The following ANKRD17 variants were observed in gnomAD, a reference collection of about 807,000 sequenced individuals.
ANKRD17 encodes ankyrin repeat domain 17, also known as ankyrin repeat domain-containing protein 17.
Under a neutral mutation model 229.7 loss-of-function variants are expected in ANKRD17, and 19 were observed. The observed-to-expected ratio is 0.08, with a 90% CI of 0.06 to 0.12. The LOEUF (loss-of-function observed/expected upper bound fraction) is 0.12, where lower values mean the gene tolerates loss of function less well. Ranked by LOEUF, ANKRD17 falls within the 10% of genes least tolerant of loss-of-function variation. ANKRD17 has a pLI of 1.00. For synonymous variants in ANKRD17, 1,112 were observed against 1,146.1 expected (o/e 0.97, Z 0.60); for missense variants, 2,176 against 3,176.8 (o/e 0.68, Z 7.57).
chr4:73,092,290 C>T lies in ANKRD17; in HGVS notation c.5338G>A (p.Glu1780Lys), dbSNP rs752347723. 6.2e-7 allele frequency: 1 copy of T among 1,606,778 alleles called. No homozygotes were observed. The highest frequency in any genetic ancestry group is 8.5e-7 in the Non-Finnish European group (1 of 1,177,486). Residue 1780 changes from glutamate to lysine, a missense_variant, in exon 29 of 34, where the codon GAA (glutamate) becomes AAA (lysine). Coordinates refer to ENST00000358602, the MANE Select transcript of ANKRD17 (RefSeq NM_032217.5). The stretch of plus-strand genomic sequence containing the variant: ...AATTGAGTTGCTTGTCTTGTTGATT[C>T]AGTGCCACCCCTATAAATTGAGAAA... Reference protein sequence around the residue: ...DRIITIRGGTESTRQATQLIN... With the variant: ...DRIITIRGGTKSTRQATQLIN...
intron 1 of ANKRD17, among the ~76,000 whole-genome samples, chr4:73,196,512 A>T (rs1252076760): frequency 6.6e-6 from 1 of 152,220 alleles, no homozygotes. Context: ...ATATACACGT[A>T]TGTGTATGTT....
chr4:73,115,772 TA>T lies in ANKRD17; in HGVS notation c.4284+48del, dbSNP rs746248034. The T allele has an allele frequency of 1.9e-5, 27 of 1,399,028 alleles. No homozygotes were observed. In the East Asian group the frequency reaches 6.2e-4, roughly 32 times the overall value. 86.7% of individuals were successfully genotyped at this position (1,399,028 alleles called of 1,614,324 possible). A position where few individuals can be genotyped will look rare whatever the true frequency, so the allele number is the denominator to read the frequency against. On this transcript the variant is annotated intron_variant, in intron 23 of 33. Transcript: ENST00000358602. ...AACTAGGAATTCTTAGAATGGAAGA[TA>T]TATTAACCGAATAGAGTCCCTTGCT...
chr4:73,159,243 A>G (rs188135377), intron 3 of ANKRD17, among the ~76,000 whole-genome samples: 15 of 152,362 alleles, frequency 9.8e-5, no homozygotes, highest in Admixed American at 5.9e-4. Context: ...TGTTTAGAAC[A>G]AATCCTTCCC....
At chr4:73,095,292 T>C (rs948471250) in intron 27 of ANKRD17, among the ~76,000 whole-genome samples, 2 of 151,808 alleles carry the variant, frequency 1.3e-5, no homozygotes, top group Non-Finnish European at 2.9e-5. Flanking sequence ...AAGAAAATCC[T>C]ACTAGAATTT....
chr4:73,201,134 AAAG>A (rs1738624551), intron 1 of ANKRD17, among the ~76,000 whole-genome samples: 1 of 152,164 alleles, frequency 6.6e-6, no homozygotes, highest in African/African-American at 2.4e-5. Context: ...AAAAAGTCAC[AAAG>A]AATAAGAAAA....
At chr4:73,256,215 T>C (rs922463326) in intron 1 of ANKRD17, among the ~76,000 whole-genome samples, 1 of 152,148 alleles carries the variant, frequency 6.6e-6, no homozygotes, top group Admixed American at 6.5e-5. Context: ...AAAATAAACA[T>C]ACCTACAAAC....
intron 24 of ANKRD17, among the ~76,000 whole-genome samples, chr4:73,109,248 T>C (rs910156433): frequency 6.7e-6 from 1 of 150,362 alleles, no homozygotes; most frequent in African/African-American, 2.5e-5. Context: ...CACAGTGAGC[T>C]GAGATCGCAC....
chr4:73,151,837 T>C (rs1731036003), intron 6 of ANKRD17, among the ~76,000 whole-genome samples: 1 of 152,156 alleles, frequency 6.6e-6, no homozygotes, highest in Non-Finnish European at 1.5e-5. Context: ...TGTTATATAG[T>C]TATGTTATAT....
At chr4:73,149,846 AGAGT>A (rs1730769452) in intron 7 of ANKRD17, among the ~76,000 whole-genome samples, 1 of 152,204 alleles carries the variant, frequency 6.6e-6, no homozygotes, top group African/African-American at 2.4e-5. Flanking sequence ...GCCTGGGAAC[AGAGT>A]GAGACCCTGT....
chr4:73,097,389 C>T (rs1032133880), intron 26 of ANKRD17, 117 bp from the exon 27 acceptor site: 9 of 858,282 alleles, frequency 1.0e-5, no homozygotes, highest in Admixed American at 3.6e-5. Context: ...AAATGACGAC[C>T]TTATTTTTCA....
In ANKRD17 at chr4:73,091,426, G is replaced by C. The variant is rs772431346; in HGVS notation, c.6202C>G (p.Pro2068Ala). The change falls in exon 29 of 34, where the codon CCA (proline) becomes GCA (alanine). Residue 2068 changes from proline to alanine, a missense_variant. Around this residue, in one of 18 missense-constraint regions of ANKRD17, gnomAD observed 424 missense variants for 454.0 expected, o/e 0.93. Coordinates refer to ENST00000358602, the MANE Select transcript of ANKRD17 (RefSeq NM_032217.5). ...NSPLDCGSAS[P>A]NKVASSSEQE... ...TCGGAGGAAGATGCCACTTTATTTG[G>C]AGATGCTGATCCACAATCCAAAGGG... The C allele has an allele frequency of 6.2e-6, 10 of 1,614,186 alleles. No individual in the cohort carries two copies. Among genetic ancestry groups the C allele is most frequent in the Non-Finnish European group, 8.5e-6 (10 of 1,180,038 alleles).
chr4:73,150,194 C>G (rs1038821919), intron 7 of ANKRD17, among the ~76,000 whole-genome samples: 3 of 152,142 alleles, frequency 2.0e-5, no homozygotes, highest in African/African-American at 7.2e-5. Context: ...AGCGAACTCC[C>G]ACATTTCCTT....
intron 1 of ANKRD17, among the ~76,000 whole-genome samples, chr4:73,229,032 A>G (rs886108106): frequency 6.6e-6 from 1 of 152,158 alleles, no homozygotes; most frequent in Non-Finnish European, 1.5e-5. Context: ...CTATCGCAAG[A>G]ACAAAAAACC....
chr4:73,203,662 G>A (rs2149117574), intron 1 of ANKRD17, among the ~76,000 whole-genome samples: 1 of 150,628 alleles, frequency 6.6e-6, no homozygotes, highest in East Asian at 2.0e-4. Flanking sequence ...GGAGGCTGAG[G>A]CAGGGAGAAT....
intron 29 of ANKRD17, among the ~76,000 whole-genome samples, chr4:73,086,738 A>C (rs1722165097): frequency 6.7e-6 from 1 of 149,574 alleles, no homozygotes; most frequent in Non-Finnish European, 1.5e-5. Flanking sequence ...ACAGGTGTTC[A>C]CCATTACACC....
chr4:73,251,102 C>T (rs1192752548), intron 1 of ANKRD17, among the ~76,000 whole-genome samples: 1 of 152,010 alleles, frequency 6.6e-6, no homozygotes, highest in African/African-American at 2.4e-5. Context: ...GAGACGCCAT[C>T]TCTACACACA....
chr4:73,146,931 A>T, intron 9 of ANKRD17, 58 bp from the exon 10 acceptor site: 2 of 1,408,166 alleles, frequency 1.4e-6, no homozygotes, highest in South Asian at 1.3e-5. Context: ...GACATATATG[A>T]CGAAAATAAA....
At chr4:73,119,393 A>C (rs930491128) in intron 21 of ANKRD17, among the ~76,000 whole-genome samples, 3 of 152,158 alleles carry the variant, frequency 2.0e-5, no homozygotes, top group African/African-American at 7.2e-5. Flanking sequence ...GACCATCCCT[A>C]ATCTGAAATC....
chr4:73,164,521 G>A (rs1229263180), intron 2 of ANKRD17, among the ~76,000 whole-genome samples: 3 of 152,262 alleles, frequency 2.0e-5, no homozygotes, highest in Admixed American at 6.5e-5. Flanking sequence ...ACAGAAAAGA[G>A]CTGGGTGTGG....
Sources: allele counts gnomAD v4.1 joint callset (sites outside exome capture counted in the v4.1 genomes callset), GRCh38; gene constraint gnomAD v4.1.1; regional missense constraint gnomAD v4.1.1; transcripts MANE v1.5; gene names NCBI Gene and HGNC (gene_info 2026-07-23, HGNC 2026-07-21).